The following DDHD1 variants were observed in gnomAD, a reference collection of about 807,000 sequenced individuals.
The protein encoded by DDHD1 is DDHD domain containing 1.
DDHD1 carries 49 observed loss-of-function variants against 96.4 expected under a neutral mutation model. The observed-to-expected ratio is 0.51, with a 90% CI of 0.40 to 0.64. DDHD1 has a LOEUF of 0.64. DDHD1 is among the 30% of genes least tolerant of loss of function. The probability of loss-of-function intolerance (pLI) is 0.00; values close to 1 mark genes in which losing one functional copy is unlikely to be tolerated. For missense variants in DDHD1, 1,106 were observed against 1,161.2 expected (o/e 0.95, Z 0.69); for synonymous variants, 442 against 446.5 (o/e 0.99, Z 0.13).
intron 1 of DDHD1, among the ~76,000 whole-genome samples, chr14:53,120,947 G>A (rs58519307): frequency 2.6e-5 from 4 of 152,176 alleles, no homozygotes; most frequent in African/African-American, 4.8e-5. Context: ...ATTGACAAGT[G>A]GGATCTAATT....
At chr14:53,142,062 A>C (rs1384137920) in intron 1 of DDHD1, among the ~76,000 whole-genome samples, 1 of 152,236 alleles carries the variant, frequency 6.6e-6, no homozygotes, top group Non-Finnish European at 1.5e-5. Flanking sequence ...TCTAAATAAT[A>C]ATAATCACCT....
chr14:53,077,656 AGTTTTT>A (rs1235610378), intron 4 of DDHD1, among the ~76,000 whole-genome samples: 1 of 109,086 alleles, frequency 9.2e-6, no homozygotes, highest in African/African-American at 3.1e-5. Flanking sequence ...CAACTTCATT[AGTTTTT>A]GTTTTTGTTT....
Position 53,151,366 on chromosome 14 carries a change from T to G in DDHD1, c.838+895A>C, listed in dbSNP as rs142195633. Reference sequence around the variant, plus strand: ...CAGTAACTTCTGTGACTATTGAATATCTCCTATATATTACATACGTAATAT... The same window carrying G: ...CAGTAACTTCTGTGACTATTGAATAGCTCCTATATATTACATACGTAATAT... On this transcript the variant is annotated intron_variant, in intron 1 of 12. Coordinates refer to ENST00000673822, the MANE Select transcript of DDHD1 (RefSeq NM_001160148.2). Among the ~76,000 whole-genome samples, 53 of 152,298 alleles carry G rather than the reference T, an allele frequency of 3.5e-4. 1 individual carries two copies. The highest frequency in any genetic ancestry group is 1.3e-3 in the African/African-American group (52 of 41,558).
chr14:53,103,587 C>A, intron 2 of DDHD1, 96 bp downstream of exon 2: 10 of 1,012,410 alleles, frequency 9.9e-6, no homozygotes, highest in South Asian at 7.3e-5. Flanking sequence ...AATTCTAAAC[C>A]TCCTGAATTA....
At chr14:53,057,711 TG>T (rs1454886616) in intron 9 of DDHD1, among the ~76,000 whole-genome samples, 2 of 152,242 alleles carry the variant, frequency 1.3e-5, no homozygotes, top group Non-Finnish European at 2.9e-5. Flanking sequence ...ATTACACTCT[TG>T]TATTACAGGT....
At chr14:53,130,989 CCTT>C (rs752424174) in intron 1 of DDHD1, among the ~76,000 whole-genome samples, 14 of 152,316 alleles carry the variant, frequency 9.2e-5, no homozygotes, top group East Asian at 1.9e-4. Context: ...CTCCCCATTA[CCTT>C]CTTTTCAACG....
At chr14:53,134,831 G>C (rs1890114913) in intron 1 of DDHD1, among the ~76,000 whole-genome samples, 1 of 151,886 alleles carries the variant, frequency 6.6e-6, no homozygotes, top group South Asian at 2.1e-4. Flanking sequence ...TTCAGACCTT[G>C]TATCTTCCAT....
intron 1 of DDHD1, among the ~76,000 whole-genome samples, chr14:53,143,674 C>T (rs1171894706): frequency 1.3e-5 from 2 of 152,180 alleles, no homozygotes; most frequent in African/African-American, 2.4e-5. Context: ...AAAGTAAAAA[C>T]ACCTTCAAAT....
chr14:53,152,237 C>CCCTA (rs1411197241), intron 1 of DDHD1, 24 bp downstream of exon 1: 4 of 1,577,484 alleles, frequency 2.5e-6, no homozygotes, highest in Non-Finnish European at 3.4e-6. Flanking sequence ...GCCCGTCCTG[C>CCCTA]CCTAACCCCG....
intron 1 of DDHD1, among the ~76,000 whole-genome samples, chr14:53,126,990 T>A (rs996947282): frequency 6.6e-6 from 1 of 152,036 alleles, no homozygotes. Context: ...GAAACTAAAA[T>A]TTTTTAAAAA....
chr14:53,054,132 C>T (rs992140874), intron 11 of DDHD1: 10 of 239,734 alleles, frequency 4.2e-5, no homozygotes, highest in Non-Finnish European at 7.2e-5. Flanking sequence ...TAAAAATCTA[C>T]TTTATAAACT....
intron 1 of DDHD1, among the ~76,000 whole-genome samples, chr14:53,148,006 T>C (rs773228365): frequency 1.3e-5 from 2 of 152,236 alleles, no homozygotes; most frequent in African/African-American, 2.4e-5. Context: ...AATTTTTTAA[T>C]CTCATTTTAT....
At chr14:53,068,777 C>T (rs1255191482) in intron 6 of DDHD1, among the ~76,000 whole-genome samples, 2 of 151,972 alleles carry the variant, frequency 1.3e-5, no homozygotes, top group Non-Finnish European at 1.5e-5. Context: ...CTTTCTTAAA[C>T]GAATTATCAG....
intron 6 of DDHD1, among the ~76,000 whole-genome samples, chr14:53,068,467 T>C (rs976701602): frequency 1.3e-5 from 2 of 152,042 alleles, no homozygotes; most frequent in East Asian, 1.9e-4. Context: ...TCCAGGCTGG[T>C]CTAGAACTCC....
At position 53,042,834 on chromosome 14, in the gene DDHD1, G is replaced by A. The variant is rs953050296; in HGVS notation, c.*3934C>T. 1 of 152,274 alleles carries A rather than the reference G, an allele frequency of 6.6e-6. No homozygotes were observed. The allele number at this position is 152,274 out of a possible 1,614,324, so 9.4% of individuals were successfully genotyped here. ...TCTTTTTCTAGTATATGATTGCTAC[G>A]TTCTTTTTTGCTCTGCCTTGATCTT... On this transcript the variant is annotated 3_prime_UTR_variant, in exon 13 of 13. Coordinates refer to ENST00000673822, the MANE Select transcript of DDHD1 (RefSeq NM_001160148.2).
chr14:53,139,530 C>CA (rs1381933415), intron 1 of DDHD1, among the ~76,000 whole-genome samples: 6 of 151,988 alleles, frequency 3.9e-5, no homozygotes, highest in African/African-American at 1.5e-4. Flanking sequence ...AAACACAGAT[C>CA]AACTCCCAAC....
intron 4 of DDHD1, among the ~76,000 whole-genome samples, chr14:53,085,150 T>TA (rs1354791667): frequency 2.0e-5 from 3 of 152,260 alleles, no homozygotes; most frequent in Admixed American, 1.3e-4. Context: ...CCACTGCAGC[T>TA]CAATGAGGCC....
chr14:53,060,536 T>C (rs888832965), intron 8 of DDHD1, among the ~76,000 whole-genome samples: 1 of 152,238 alleles, frequency 6.6e-6, no homozygotes. Flanking sequence ...GTTCATCCAT[T>C]GAAATGTCAG....
Position 53,152,415 on chromosome 14 carries a change from A to G in DDHD1, c.684T>C (p.Asp228=), listed in dbSNP as rs1382953265. ...AGCCGCAGGCGCGGTCCTCATCGTC[A>G]TCTTCTCCGGAACTGGAGGCTGGGC... is the stretch of plus-strand genomic sequence containing the variant. ...PTGPASSSGE[D]DDEDRACGFC... Residue 228 remains aspartate (D), a synonymous_variant, in exon 1 of 13, where the codon GAT becomes GAC. Transcript: ENST00000673822. The G allele has an allele frequency of 1.2e-6, 2 of 1,613,762 alleles. No individual in the cohort carries two copies. The highest frequency in any genetic ancestry group is 1.7e-6 in the Non-Finnish European group (2 of 1,179,938).
Sources: allele counts gnomAD v4.1 joint callset (sites outside exome capture counted in the v4.1 genomes callset), GRCh38; gene constraint gnomAD v4.1.1; transcripts MANE v1.5; gene names NCBI Gene and HGNC (gene_info 2026-07-23, HGNC 2026-07-21).